RELN: variants seen among roughly 807,000 people sequenced by gnomAD.
RELN encodes the protein reelin.
In RELN, 108 loss-of-function variants were observed where a neutral mutation model predicts 427.6. The ratio of observed to expected loss-of-function variants is 0.25; its 90% CI spans 0.22 to 0.30. RELN has a LOEUF of 0.30. RELN is among the 10% of genes least tolerant of loss of function. The probability of loss-of-function intolerance (pLI) is 1.00; values close to 1 mark genes in which losing one functional copy is unlikely to be tolerated. For synonymous variants in RELN, 1,524 were observed against 1,513.4 expected (o/e 1.01, Z -0.16); for missense variants, 3,715 against 4,302.8 (o/e 0.86, Z 3.82).
chr7:103,664,266 C>T (rs1179556699), intron 11 of RELN, among the ~76,000 whole-genome samples: 1 of 152,162 alleles, frequency 6.6e-6, no homozygotes, highest in Admixed American at 6.5e-5. Context: ...ATTAACAATG[C>T]TATATAAAAG....
At chr7:103,531,355 T>C (rs1562874513) in intron 46 of RELN, among the ~76,000 whole-genome samples, 2 of 152,228 alleles carry the variant, frequency 1.3e-5, no homozygotes. Flanking sequence ...ACTTAACTAA[T>C]GTGTATGGCA....
rs567539641 is a variant in RELN, at chr7:103,537,956, A to G, written c.7180+1122T>C. On this transcript the variant is annotated intron_variant, in intron 45 of 64. Transcript: ENST00000428762. ...TCATCTCTTGCTCCTTTGAGTTCTC[A>G]TTACATTTTGTATCAGCACTACTCC... is the stretch of plus-strand genomic sequence containing the variant. Among the ~76,000 whole-genome samples the G allele has an allele frequency of 2.0e-5, 3 of 152,314 alleles. No homozygotes were observed. The East Asian group carries it at 5.8e-4, about 29-fold the overall frequency.
chr7:103,666,808 A>G (rs1176229247), intron 11 of RELN, among the ~76,000 whole-genome samples: 2 of 149,046 alleles, frequency 1.3e-5, no homozygotes, highest in Non-Finnish European at 3.0e-5. Context: ...CTTCTGGGAG[A>G]TTTTTTTTTT....
At chr7:103,933,543 A>G (rs766656149) in intron 1 of RELN, among the ~76,000 whole-genome samples, 20 of 151,880 alleles carry the variant, frequency 1.3e-4, no homozygotes, top group African/African-American at 3.4e-4. Context: ...GGAGGGAAGG[A>G]AGGCAGGCAG....
intron 46 of RELN, among the ~76,000 whole-genome samples, chr7:103,532,964 AGTTC>A (rs1037389179): frequency 6.6e-6 from 1 of 152,214 alleles, no homozygotes; most frequent in African/African-American, 2.4e-5. Flanking sequence ...GTCAGGGATC[AGTTC>A]AGCTCCCTCA....
Position 103,520,957 on chromosome 7 carries a change from A to ATTTTTTTTTTT in RELN, c.7668+1054_7668+1064dup, listed in dbSNP as rs55830035. The stretch of plus-strand genomic sequence containing the variant: ...ATAAAGAGCTGGCAGTAAATTTGTT[A>ATTTTTTTTTTT]TTTTTTTTTTTTTTTTTTTTTTTTT... On this transcript the variant is annotated intron_variant, in intron 48 of 64. Coordinates refer to ENST00000428762, the MANE Select transcript of RELN (RefSeq NM_005045.4). Among the ~76,000 whole-genome samples, 269 of 79,200 alleles carry ATTTTTTTTTTT rather than the reference A, an allele frequency of 3.4e-3. 14 individuals carry two copies. Among genetic ancestry groups the ATTTTTTTTTTT allele is most frequent in the South Asian group, 5.5e-3 (12 of 2,192 alleles). The allele number at this position is 79,200 out of a possible 152,430, so 52.0% of individuals were successfully genotyped here. A position where few individuals can be genotyped will look rare whatever the true frequency, so the allele number is the denominator to read the frequency against.
intron 1 of RELN, among the ~76,000 whole-genome samples, chr7:103,962,421 C>G (rs1796576005): frequency 6.6e-6 from 1 of 152,134 alleles, no homozygotes; most frequent in Non-Finnish European, 1.5e-5. Context: ...TCTTCCTGCT[C>G]TTTGATTGCC....
intron 28 of RELN, among the ~76,000 whole-genome samples, chr7:103,580,675 T>A (rs1464732286): frequency 2.0e-5 from 3 of 152,224 alleles, no homozygotes; most frequent in African/African-American, 7.2e-5. Context: ...AGTGTACCCA[T>A]CACCTGAGCA....
In RELN at chr7:103,523,487, T is replaced by G; in HGVS notation, c.7394A>C (p.Asp2465Ala). Reference protein sequence around the residue: ...RFRWHQPAPFDKQQTWAIDNV... With the variant: ...RFRWHQPAPFAKQQTWAIDNV... ...ATCTATTGCCCATGTCTGCTGCTTG[T>G]CAAAAGGAGCTGGTTGATGCCAACG... is the stretch of plus-strand genomic sequence containing the variant. Residue 2465 changes from aspartate to alanine, a missense_variant, in exon 47 of 65, where the codon GAC becomes GCC. Asp to Ala is a moderately radical substitution (Grantham distance 126). Transcript: ENST00000428762. 6.2e-7 allele frequency: 1 copy of G among 1,613,896 alleles called. No homozygotes were observed. Among genetic ancestry groups the G allele is most frequent in the Non-Finnish European group, 8.5e-7 (1 of 1,179,992 alleles).
chr7:103,483,914 C>T (rs1419505479), intron 61 of RELN, 64 bp from the exon 62 acceptor site: 2 of 1,488,238 alleles, frequency 1.3e-6, no homozygotes, highest in East Asian at 2.4e-5. Flanking sequence ...GAGTCTTGCT[C>T]TGTCACCCAG....
chr7:103,768,319 C>A (rs1353294050), intron 4 of RELN, among the ~76,000 whole-genome samples: 1 of 151,774 alleles, frequency 6.6e-6, no homozygotes, highest in African/African-American at 2.4e-5. Flanking sequence ...CAGCAGAATG[C>A]AGATGGGCAT....
At position 103,572,550 on chromosome 7, in the gene RELN, T is replaced by G. The variant is rs112754346; in HGVS notation, c.4512-290A>C. The stretch of plus-strand genomic sequence containing the variant: ...GACAGTCTGTTATAATTTATTTTTT[T>G]TTTTGAGACGGAGTCTTGCTCTGTT... On this transcript the variant is annotated intron_variant, in intron 30 of 64. Coordinates refer to ENST00000428762, the MANE Select transcript of RELN (RefSeq NM_005045.4). Among the ~76,000 whole-genome samples the G allele has an allele frequency of 0.011, 1,607 of 152,244 alleles. 27 individuals carry two copies. The highest frequency in any genetic ancestry group is 0.037 in the African/African-American group (1,525 of 41,538).
At chr7:103,617,422 T>C (rs992778305) in intron 20 of RELN, among the ~76,000 whole-genome samples, 1 of 151,942 alleles carries the variant, frequency 6.6e-6, no homozygotes, top group Non-Finnish European at 1.5e-5. Context: ...TGTCATGTTT[T>C]ATTGGTATCT....
chr7:103,475,108 C>T (rs185316199), intron 64 of RELN, among the ~76,000 whole-genome samples: 62 of 152,320 alleles, frequency 4.1e-4, no homozygotes, highest in African/African-American at 1.3e-3. Context: ...TCTACTCAAA[C>T]GCCTTGAGTC....
chr7:103,512,869 T>G (rs1011812445), intron 50 of RELN: 3 of 152,210 alleles, frequency 2.0e-5, no homozygotes, highest in African/African-American at 7.2e-5. Flanking sequence ...AGCAGCACAG[T>G]TGATGCCTCA....
At chr7:103,717,702 G>A (rs1438454443) in intron 8 of RELN, among the ~76,000 whole-genome samples, 1 of 151,944 alleles carries the variant, frequency 6.6e-6, no homozygotes, top group Non-Finnish European at 1.5e-5. Flanking sequence ...TATACTTAGA[G>A]GTGTCCATGT....
At chr7:103,906,887 G>A (rs1190087702) in intron 2 of RELN, among the ~76,000 whole-genome samples, 2 of 152,094 alleles carry the variant, frequency 1.3e-5, no homozygotes, top group East Asian at 1.9e-4. Flanking sequence ...ATCTTCAGAG[G>A]TTTTGAGCCA....
In RELN at chr7:103,553,472, T is replaced by C. The variant is rs1262772457; in HGVS notation, c.6061A>G (p.Ile2021Val). 6.2e-7 allele frequency: 1 copy of C among 1,612,054 alleles called. No individual in the cohort carries two copies. The highest frequency in any genetic ancestry group is 8.5e-7 in the Non-Finnish European group (1 of 1,178,148). ...RDLNVNENTI[I>V]QFEINVGCST... ...ACAAAGTCAAGTACCTCAAATTGTA[T>C]GATGGTGTTCTCATTCACATTTAGG... The change falls in exon 40 of 65, where the codon ATA becomes GTA. Residue 2021 changes from isoleucine (I) to valine (V), a missense_variant. Physicochemically the swap from Ile to Val is conservative, Grantham distance 29. Around this residue, in one of 4 missense-constraint regions of RELN, gnomAD observed 1,310 missense variants for 1,643.0 expected, o/e 0.80. Transcript: ENST00000428762.
intron 48 of RELN, among the ~76,000 whole-genome samples, chr7:103,521,688 T>G (rs74509315): frequency 0.023 from 3,515 of 152,290 alleles, 154 homozygotes; most frequent in African/African-American, 0.081. Context: ...TACTTAAATA[T>G]GACCTGTGCT....
Sources: gnomAD v4.1 joint callset for allele counts (sites outside exome capture counted in the v4.1 genomes callset) on GRCh38, gnomAD v4.1.1 for gene constraint, gnomAD v4.1.1 regional missense constraint, MANE v1.5 for transcripts, NCBI Gene and HGNC (gene_info 2026-07-23, HGNC 2026-07-21) for gene names.